Variants in MYLK observed in about 807,000 individuals in gnomAD.
The protein encoded by MYLK is myosin light chain kinase, smooth muscle.
A neutral mutation model predicts 203.4 loss-of-function variants in MYLK; 106 were observed. That is an observed-to-expected ratio of 0.52 (90% CI 0.45 to 0.61). The LOEUF (loss-of-function observed/expected upper bound fraction) is 0.61. Among genes scored for constraint, MYLK ranks in the 20% least tolerant of loss-of-function variants. The pLI, the probability that MYLK is intolerant of heterozygous loss-of-function variation, is 0.00. For missense variants in MYLK, 2,072 were observed against 2,442.3 expected, an observed-to-expected ratio of 0.85 and a Z score of 3.20; for synonymous variants, 867 against 959.5, an observed-to-expected ratio of 0.90 and a Z score of 1.78.
chr3:123,717,098 T>A (rs866382794), intron 13 of MYLK, among the ~76,000 whole-genome samples: 1 of 152,240 alleles, frequency 6.6e-6, no homozygotes, highest in African/African-American at 2.4e-5. Flanking sequence ...TCTTCTTCAA[T>A]ATATTTTTCT....
At chr3:123,703,241 G>A (rs1402726566) in intron 16 of MYLK, among the ~76,000 whole-genome samples, 4 of 152,184 alleles carry the variant, frequency 2.6e-5, no homozygotes, top group South Asian at 2.1e-4. Context: ...GCTCTGGGGC[G>A]CTGCTCACCC....
At chr3:123,715,986 C>A (rs919574699) in intron 13 of MYLK, 4 of 152,150 alleles carry the variant, frequency 2.6e-5, no homozygotes, top group Non-Finnish European at 5.9e-5. Flanking sequence ...GAGCTGTATT[C>A]CTTAGTTATT....
chr3:123,734,254 G>GGGGGGGGGGGGC, intron 9 of MYLK, 32 bp from the exon 10 acceptor site: 1 of 1,066,864 alleles, frequency 9.4e-7, no homozygotes, highest in Non-Finnish European at 1.3e-6. Context: ...GGTAGGGTGG[G>GGGGGGGGGGGGC]TGAGGAGAGG....
intron 2 of MYLK, among the ~76,000 whole-genome samples, chr3:123,851,748 C>A (rs1345906898): frequency 6.6e-6 from 1 of 152,058 alleles, no homozygotes; most frequent in Non-Finnish European, 1.5e-5. Context: ...CTTTCTCCTG[C>A]CTGATTGCCC....
chr3:123,793,468 G>A (rs964435466), intron 4 of MYLK, among the ~76,000 whole-genome samples: 11 of 152,038 alleles, frequency 7.2e-5, no homozygotes, highest in South Asian at 2.1e-4. Context: ...AACTTGCAGC[G>A]TCCTCCCCAC....
intron 3 of MYLK, among the ~76,000 whole-genome samples, chr3:123,798,092 A>C (rs1382308487): frequency 6.6e-6 from 1 of 152,184 alleles, no homozygotes; most frequent in Admixed American, 6.5e-5. Context: ...CCATTTAATA[A>C]GCAAGGTGTA....
intron 20 of MYLK, among the ~76,000 whole-genome samples, chr3:123,669,100 C>T (rs778059658): frequency 7.9e-5 from 12 of 152,232 alleles, no homozygotes; most frequent in Non-Finnish European, 1.3e-4. Context: ...CGACAGGACA[C>T]GTGCTGCTGC....
chr3:123,727,929 G>C (rs368828230), intron 11 of MYLK, among the ~76,000 whole-genome samples: 1 of 152,144 alleles, frequency 6.6e-6, no homozygotes, highest in Non-Finnish European at 1.5e-5. Context: ...CAGAAAGAGA[G>C]AAGTATGTAG....
At chr3:123,713,583 G>A (rs1869864) in intron 13 of MYLK, among the ~76,000 whole-genome samples, 1,551 of 11,528 alleles carry the variant, frequency 0.13, 15 homozygotes, top group Middle Eastern at 0.31. Context: ...AACACAATGT[G>A]TGTGTGTGTG....
intron 4 of MYLK, among the ~76,000 whole-genome samples, chr3:123,791,441 T>C (rs1396106940): frequency 6.6e-6 from 1 of 152,216 alleles, no homozygotes; most frequent in East Asian, 1.9e-4. Context: ...CAAAAGTCTC[T>C]GTGTTGTTTC....
chr3:123,860,426 C>T (rs2031792416), intron 2 of MYLK, among the ~76,000 whole-genome samples: 1 of 152,196 alleles, frequency 6.6e-6, no homozygotes, highest in South Asian at 2.1e-4. Flanking sequence ...AGCCTAACGA[C>T]ACCCAGAACC....
chr3:123,797,471 G>C (rs2065030400), intron 3 of MYLK, among the ~76,000 whole-genome samples: 1 of 152,140 alleles, frequency 6.6e-6, no homozygotes, highest in Non-Finnish European at 1.5e-5. Context: ...CGGAAGGAAT[G>C]GGCATCATCT....
In MYLK at chr3:123,648,677, C is replaced by T. The variant is rs1338637126; in HGVS notation, c.4415+294G>A. ...GACAGGCCCCAGTGAGTGTTATTCC[C>T]CTCCCTGTGTCTCATTTTGGTCCTG... On this transcript the variant is annotated intron_variant, in intron 26 of 33. Transcript: ENST00000360304. The surrounding 1 kb of genome is among the most constrained non-coding windows in gnomAD (Gnocchi z 4.5). Among the ~76,000 whole-genome samples the T allele has an allele frequency of 6.6e-6, 1 of 152,068 alleles. No homozygotes were observed. Among genetic ancestry groups the T allele is most frequent in the Non-Finnish European group, 1.5e-5 (1 of 68,026 alleles).
chr3:123,721,403 C>G (rs556089784), intron 13 of MYLK, among the ~76,000 whole-genome samples: 1 of 152,236 alleles, frequency 6.6e-6, no homozygotes, highest in Non-Finnish European at 1.5e-5. Flanking sequence ...AGAAGCACTT[C>G]CACGGGAACT....
chr3:123,631,280 C>A (rs1400903366), intron 29 of MYLK, among the ~76,000 whole-genome samples: 1 of 152,132 alleles, frequency 6.6e-6, no homozygotes, highest in East Asian at 1.9e-4. Context: ...CACCTGTAAT[C>A]CCAGCTACTC....
chr3:123,782,447 G>C (rs1465464891), intron 4 of MYLK, among the ~76,000 whole-genome samples: 1 of 152,120 alleles, frequency 6.6e-6, no homozygotes. Flanking sequence ...AACTCACATT[G>C]GTCATTATTT....
At chr3:123,827,717 ATATATATATATATATATATATATATATAT>A (rs1208674878) in intron 3 of MYLK, among the ~76,000 whole-genome samples, 34 of 89,966 alleles carry the variant, frequency 3.8e-4, no homozygotes, top group African/African-American at 1.6e-3. Flanking sequence ...ATATATATAT[ATATATATATATATATATATATATATATAT>A]ATAAAGACTC....
chr3:123,723,200 G>A (rs1285303583), intron 12 of MYLK, among the ~76,000 whole-genome samples: 1 of 151,666 alleles, frequency 6.6e-6, no homozygotes, highest in Non-Finnish European at 1.5e-5. Context: ...TAAAATTGGG[G>A]TCGGCCAGTG....
intron 4 of MYLK, 126 bp downstream of exon 4, chr3:123,793,551 A>T: frequency 9.3e-7 from 1 of 1,080,812 alleles, no homozygotes; most frequent in Non-Finnish European, 1.3e-6. Context: ...GGTTCGTTTT[A>T]CATGAAGGTC....
Sources: allele counts gnomAD v4.1 joint callset (sites outside exome capture counted in the v4.1 genomes callset), GRCh38; gene constraint gnomAD v4.1.1; non-coding constraint Gnocchi (gnomAD v3.1); transcripts MANE v1.5; gene names NCBI Gene and HGNC (gene_info 2026-07-23, HGNC 2026-07-21).